BRWD1: variants seen among roughly 807,000 people sequenced by gnomAD.
BRWD1 encodes the protein bromodomain and WD repeat domain containing 1, also known as bromodomain and WD repeat-containing protein 1.
Under a neutral mutation model 251.2 loss-of-function variants are expected in BRWD1, and 82 were observed. That is an observed-to-expected ratio of 0.33 (90% confidence interval 0.27 to 0.39). The LOEUF is 0.39. Ranked by LOEUF, BRWD1 falls within the 10% of genes least tolerant of loss-of-function variation. The pLI is 1.00. For synonymous variants in BRWD1, 918 were observed against 902.8 expected (o/e 1.02, Z -0.30); for missense variants, 2,233 against 2,711.6 (o/e 0.82, Z 3.92).
chr21:39,314,406 C>T (rs1323225224), upstream of BRWD1: 5 of 449,424 alleles, frequency 1.1e-5, no homozygotes, highest in East Asian at 2.8e-4. Context: ...TCGGCTGGAT[C>T]CATCCAAGCA....
chr21:39,270,488 T>C, intron 13 of BRWD1, 55 bp from the exon 14 acceptor site: 1 of 1,399,542 alleles, frequency 7.1e-7, no homozygotes, highest in Non-Finnish European at 9.7e-7. Flanking sequence ...CTATACAATG[T>C]ATACAATCTC....
At chr21:39,185,177 C>T (rs954000738), downstream of BRWD1, 1 of 149,882 alleles carries the variant, frequency 6.7e-6, no homozygotes, top group African/African-American at 2.5e-5. Context: ...AATACTTAGC[C>T]AAAAAAGGAT....
chr21:39,276,122 CATTAT>C (rs1449473470), intron 12 of BRWD1, 46 bp downstream of exon 12: 2 of 1,513,938 alleles, frequency 1.3e-6, no homozygotes, highest in Non-Finnish European at 1.8e-6. Flanking sequence ...ACATGTAGCA[CATTAT>C]ATTTGCCTAA....
At chr21:39,300,078 C>A (rs1015513337) in intron 4 of BRWD1, among the ~76,000 whole-genome samples, 1 of 152,100 alleles carries the variant, frequency 6.6e-6, no homozygotes, top group Non-Finnish European at 1.5e-5. Flanking sequence ...TAAGAAAAAA[C>A]CACTCAAACC....
Position 39,211,631 on chromosome 21 carries a change from G to C in BRWD1, c.3901-702C>G, listed in dbSNP as rs955909450. On this transcript the variant is annotated intron_variant, in intron 34 of 40. Transcript: ENST00000342449. ...GACCCATGAAAACTTCTAATCTACA[G>C]AACTATCAGGTAATACATTTTTATT... 6.6e-5 allele frequency among the ~76,000 whole-genome samples: 10 copies of C among 151,986 alleles called. No individual in the cohort carries two copies. In the East Asian group the frequency reaches 1.9e-3, roughly 29 times the overall value.
At chr21:39,264,380 G>A (rs942039506) in intron 17 of BRWD1, 80 bp downstream of exon 17, 8 of 847,414 alleles carry the variant, frequency 9.4e-6, no homozygotes, top group Admixed American at 3.5e-5. Context: ...GGGATCTAAA[G>A]GTAAGGAAAT....
intron 9 of BRWD1, among the ~76,000 whole-genome samples, chr21:39,279,649 A>AG (rs1568945473): frequency 1.2e-5 from 1 of 86,342 alleles, no homozygotes; most frequent in East Asian, 2.1e-4. Context: ...AAAAAAAAAA[A>AG]AAAAAAAGAA....
chr21:39,304,761 T>C (rs1388429207), intron 4 of BRWD1, among the ~76,000 whole-genome samples: 3 of 152,188 alleles, frequency 2.0e-5, no homozygotes, highest in African/African-American at 7.2e-5. Context: ...GTGCCATTGC[T>C]AACCAAAAGA....
chr21:39,311,533 CACG>C (rs373492242), intron 4 of BRWD1, among the ~76,000 whole-genome samples: 22 of 152,028 alleles, frequency 1.4e-4, no homozygotes, highest in African/African-American at 4.6e-4. Context: ...TCTCAGGTAG[CACG>C]ACAACAGCGT....
chr21:39,304,107 C>T (rs2036206539), intron 4 of BRWD1, among the ~76,000 whole-genome samples: 1 of 145,782 alleles, frequency 6.9e-6, no homozygotes. Context: ...CGCCATTGCA[C>T]TCCAGCCTGG....
intron 4 of BRWD1, among the ~76,000 whole-genome samples, chr21:39,309,172 CA>C (rs376646018): frequency 0.016 from 2,391 of 145,200 alleles, 65 homozygotes; most frequent in African/African-American, 0.058. Context: ...GACTCCATCT[CA>C]AAAAAAAACA....
chr21:39,231,294 C>A (rs2033606470), intron 25 of BRWD1, among the ~76,000 whole-genome samples: 1 of 152,128 alleles, frequency 6.6e-6, no homozygotes. Flanking sequence ...AATTTTGCTA[C>A]CATAACCAGA....
At position 39,195,312 on chromosome 21, in the gene BRWD1, A is replaced by G. The variant is rs2031754012; in HGVS notation, c.*947T>C. 1.0e-6 allele frequency: 1 copy of G among 1,000,868 alleles called. No homozygotes were observed. The highest frequency in any genetic ancestry group is 1.2e-6 in the Non-Finnish European group (1 of 840,018). The allele number at this position is 1,000,868 out of a possible 1,614,324, so 62.0% of individuals were successfully genotyped here. A position where few individuals can be genotyped will look rare whatever the true frequency, so the allele number is the denominator to read the frequency against. ...TCTACAATTGGAATACAGATGGGGGAAACCTACATATTAACTTAAATACTC... is the reference window on the plus strand; with the variant it reads ...TCTACAATTGGAATACAGATGGGGGGAACCTACATATTAACTTAAATACTC... On this transcript the variant is annotated 3_prime_UTR_variant, in exon 41 of 41. Transcript: ENST00000342449.
At position 39,232,517 on chromosome 21, in the gene BRWD1, C is replaced by T; in HGVS notation, c.2767-19G>A. On this transcript the variant is annotated intron_variant, in intron 23 of 40. Coordinates refer to ENST00000342449, the MANE Select transcript of BRWD1 (RefSeq NM_033656.4). ...GCAAATTCTACCAAGGGGAAGAGAA[C>T]AAAGTTTCTTAGATTAGAAAGGGGC... 2 of 1,579,516 alleles carry T rather than the reference C, an allele frequency of 1.3e-6. No individual in the cohort carries two copies. The highest frequency in any genetic ancestry group is 1.7e-6 in the Non-Finnish European group (2 of 1,172,044).
intron 8 of BRWD1, among the ~76,000 whole-genome samples, chr21:39,286,015 A>ATTTTTTTTTTT (rs1568953276): frequency 3.7e-5 from 1 of 26,736 alleles, no homozygotes; most frequent in Non-Finnish European, 7.5e-5. Context: ...CACCATATGA[A>ATTTTTTTTTTT]CTTTTTTTTT....
chr21:39,307,159 T>A (rs981911837), intron 4 of BRWD1, among the ~76,000 whole-genome samples: 1 of 152,168 alleles, frequency 6.6e-6, no homozygotes, highest in Non-Finnish European at 1.5e-5. Context: ...TGGTTATAAT[T>A]GAAAATTTAA....
In BRWD1 at chr21:39,197,041, G is replaced by A. The variant is rs760891605; in HGVS notation, c.6028C>T (p.Leu2010Phe). The change falls in exon 41 of 41, where the codon CTT (leucine) becomes TTT (phenylalanine). Residue 2010 changes from leucine to phenylalanine, a missense_variant. By Grantham distance (22) the Leu-to-Phe change is conservative. Transcript: ENST00000342449. ...GAGTCTCCATTTAGAGCCTGACTAA[G>A]CACTTTTGTACTACCTTCGGAGTCA... is the stretch of plus-strand genomic sequence containing the variant. Reference protein sequence around the residue: ...DPDSEGSTKVLSQALNGDSDS... With the variant: ...DPDSEGSTKVFSQALNGDSDS... 2 of 1,614,156 alleles carry A rather than the reference G, an allele frequency of 1.2e-6. No individual in the cohort carries two copies. The highest frequency in any genetic ancestry group is 2.2e-5 in the South Asian group (2 of 91,084).
intron 21 of BRWD1, among the ~76,000 whole-genome samples, chr21:39,242,377 T>G (rs1031625143): frequency 1.3e-5 from 2 of 152,148 alleles, no homozygotes; most frequent in African/African-American, 2.4e-5. Flanking sequence ...TTTAATTCTA[T>G]GAAGGCTGAG....
rs2035967267 is a variant in BRWD1 at position 39,296,566 on chromosome 21, A to T, written c.350-203T>A. ...ACATCTCAGATACAGCAGCAACAAC[A>T]ACTAACATTTGTGTAGCACTTTACA... On this transcript the variant is annotated intron_variant, in intron 5 of 40. Transcript: ENST00000342449. 2.5e-6 allele frequency: 3 copies of T among 1,217,420 alleles called. No individual in the cohort carries two copies. The African/African-American group carries it at 4.7e-5, about 19-fold the overall frequency. The allele number at this position is 1,217,420 out of a possible 1,614,324, so 75.4% of individuals were successfully genotyped here.
Sources: allele counts gnomAD v4.1 joint callset (sites outside exome capture counted in the v4.1 genomes callset), GRCh38; gene constraint gnomAD v4.1.1; transcripts MANE v1.5; gene names NCBI Gene and HGNC (gene_info 2026-07-23, HGNC 2026-07-21).